NBEA: variants seen among roughly 807,000 people sequenced by gnomAD.
NBEA encodes lysosomal-trafficking regulator 2.
Under a neutral mutation model 343.4 loss-of-function variants are expected in NBEA, and 44 were observed. That is an observed-to-expected ratio of 0.13 (90% CI 0.10 to 0.16). NBEA has a LOEUF of 0.16. Ranked by LOEUF, NBEA falls within the 10% of genes least tolerant of loss-of-function variation. The pLI is 1.00. For missense variants in NBEA, 2,555 were observed against 3,631.3 expected, an observed-to-expected ratio of 0.70 and a Z score of 7.62; for synonymous variants, 1,175 against 1,238.7, an observed-to-expected ratio of 0.95 and a Z score of 1.08.
intron 28 of NBEA, among the ~76,000 whole-genome samples, chr13:35,179,244 G>A (rs941884253): frequency 2.6e-5 from 4 of 151,386 alleles, no homozygotes; most frequent in Non-Finnish European, 5.9e-5. Context: ...CCCTTAACTG[G>A]AAACTTAGGA....
intron 39 of NBEA, among the ~76,000 whole-genome samples, chr13:35,443,693 T>C (rs12865496): frequency 0.16 from 24,847 of 151,918 alleles, 2,197 homozygotes; most frequent in East Asian, 0.32. Context: ...AATAATTTTA[T>C]ATTGATAAAG....
At chr13:35,572,164 T>C (rs2080467094) in intron 45 of NBEA, among the ~76,000 whole-genome samples, 1 of 152,198 alleles carries the variant, frequency 6.6e-6, no homozygotes, top group Non-Finnish European at 1.5e-5. Flanking sequence ...TATATAGGTA[T>C]TCCTTATGGA....
intron 39 of NBEA, among the ~76,000 whole-genome samples, chr13:35,451,325 G>A (rs570458110): frequency 6.6e-6 from 1 of 152,050 alleles, no homozygotes; most frequent in South Asian, 2.1e-4. Context: ...GGGTTTCACC[G>A]TGTTAACCAG....
intron 8 of NBEA, among the ~76,000 whole-genome samples, chr13:35,061,708 C>T (rs1410904272): frequency 6.6e-6 from 1 of 151,590 alleles, no homozygotes; most frequent in Non-Finnish European, 1.5e-5. Context: ...ATAACACAAC[C>T]TCCAAATTAA....
chr13:35,399,993 G>A (rs1566076835), intron 38 of NBEA, among the ~76,000 whole-genome samples: 1 of 141,600 alleles, frequency 7.1e-6, no homozygotes, highest in East Asian at 2.1e-4. Context: ...ACTTATATGG[G>A]TGCAGTTTAT....
At chr13:35,359,024 C>A (rs117160694) in intron 38 of NBEA, among the ~76,000 whole-genome samples, 4,532 of 152,130 alleles carry the variant, frequency 0.03, 82 homozygotes, top group South Asian at 0.045. Flanking sequence ...TGAGAGGAGG[C>A]TGGAGAATAA....
In NBEA at chr13:35,182,595, C is replaced by T. The variant is rs1593644009; in HGVS notation, c.4831+67C>T. Reference sequence around the variant, plus strand: ...TATCTCCTTTTTTTCACCTTTACATCTAGATTTAAACTGGACCTCTTCATA... The same window carrying T: ...TATCTCCTTTTTTTCACCTTTACATTTAGATTTAAACTGGACCTCTTCATA... On this transcript the variant is annotated intron_variant, in intron 29 of 58. Coordinates refer to ENST00000379939, the MANE Select transcript of NBEA (RefSeq NM_001385012.1). 4.9e-6 allele frequency: 7 copies of T among 1,429,060 alleles called. No individual in the cohort carries two copies. In the East Asian group the frequency reaches 1.7e-4, roughly 35 times the overall value. The allele number at this position is 1,429,060 out of a possible 1,614,324, so 88.5% of individuals were successfully genotyped here.
At chr13:35,538,565 T>A (rs2078665343) in intron 41 of NBEA, among the ~76,000 whole-genome samples, 2 of 152,218 alleles carry the variant, frequency 1.3e-5, no homozygotes. Context: ...ACAGAATACC[T>A]GGATCAGCTG....
At chr13:35,661,971 C>T (rs745700637) in intron 55 of NBEA, among the ~76,000 whole-genome samples, 22 of 152,078 alleles carry the variant, frequency 1.4e-4, no homozygotes, top group Non-Finnish European at 2.9e-4. Context: ...ATCAGAAAGA[C>T]CACAGCTTCC....
At chr13:35,412,443 C>T (rs578245177) in intron 38 of NBEA, among the ~76,000 whole-genome samples, 6 of 152,118 alleles carry the variant, frequency 3.9e-5, no homozygotes, top group Admixed American at 6.6e-5. Context: ...CCCCCATTTT[C>T]ATTACTTTGT....
intron 38 of NBEA, among the ~76,000 whole-genome samples, chr13:35,394,662 G>C (rs2042659489): frequency 6.6e-6 from 1 of 151,806 alleles, no homozygotes. Flanking sequence ...CACAGAACAT[G>C]AACTCACTTC....
At chr13:35,008,079 C>T (rs2061372940) in intron 1 of NBEA, among the ~76,000 whole-genome samples, 1 of 152,022 alleles carries the variant, frequency 6.6e-6, no homozygotes, top group Non-Finnish European at 1.5e-5. Context: ...AGGCTTGGGA[C>T]CCTGGCAGTC....
intron 38 of NBEA, among the ~76,000 whole-genome samples, chr13:35,359,178 T>C (rs1360554554): frequency 1.3e-5 from 2 of 152,222 alleles, no homozygotes; most frequent in African/African-American, 4.8e-5. Context: ...CTGGCTGTTA[T>C]GTGAAGACAC....
intron 5 of NBEA, among the ~76,000 whole-genome samples, chr13:35,049,331 T>C (rs2062981139): frequency 6.6e-6 from 1 of 151,860 alleles, no homozygotes; most frequent in Non-Finnish European, 1.5e-5. Context: ...ATACTTGCAA[T>C]ACTCTGTAAT....
At chr13:35,635,516 A>T (rs1171358635) in intron 49 of NBEA, among the ~76,000 whole-genome samples, 2 of 152,234 alleles carry the variant, frequency 1.3e-5, no homozygotes, top group East Asian at 1.9e-4. Flanking sequence ...AAGCCAAATT[A>T]AAATGGAAAG....
At chr13:35,235,959 G>A (rs2075208351) in intron 34 of NBEA, among the ~76,000 whole-genome samples, 1 of 152,014 alleles carries the variant, frequency 6.6e-6, no homozygotes, top group Non-Finnish European at 1.5e-5. Context: ...TGTTCCCCTG[G>A]CAGTATACAA....
At chr13:35,052,595 T>G (rs2063103238) in intron 6 of NBEA, among the ~76,000 whole-genome samples, 1 of 151,900 alleles carries the variant, frequency 6.6e-6, no homozygotes, top group Non-Finnish European at 1.5e-5. Context: ...AATATCACTA[T>G]GCACACATAG....
chr13:35,267,122 G>T (rs189087660), intron 34 of NBEA, among the ~76,000 whole-genome samples: 2 of 152,008 alleles, frequency 1.3e-5, no homozygotes, highest in East Asian at 1.9e-4. Context: ...GGAGAAGAAA[G>T]AAGAGGGGTT....
At chr13:35,399,070 T>A (rs1215112481) in intron 38 of NBEA, among the ~76,000 whole-genome samples, 2 of 152,154 alleles carry the variant, frequency 1.3e-5, no homozygotes, top group Admixed American at 6.6e-5. Context: ...TTTTACAGTA[T>A]GGAGATGGCT....
Sources: allele counts gnomAD v4.1 joint callset (sites outside exome capture counted in the v4.1 genomes callset), GRCh38; gene constraint gnomAD v4.1.1; transcripts MANE v1.5; gene names NCBI Gene and HGNC (gene_info 2026-07-23, HGNC 2026-07-21).